Variants in MMACHC observed in about 807,000 individuals in gnomAD.
The protein encoded by MMACHC is cyanocobalamin reductase / alkylcobalamin dealkylase.
Under a neutral mutation model 17.6 loss-of-function variants are expected in MMACHC, and 14 were observed. The observed-to-expected ratio is 0.80, with a 90% confidence interval of 0.53 to 1.25. The LOEUF is 1.25. MMACHC is among the 50% of genes most tolerant of loss of function. The probability of loss-of-function intolerance (pLI) is 0.00; values close to 1 mark genes in which losing one functional copy is unlikely to be tolerated. For missense variants in MMACHC, 392 were observed against 364.5 expected (o/e 1.08, Z -0.62); for synonymous variants, 151 against 142.1 (o/e 1.06, Z -0.45).
In MMACHC at chr1:45,510,075, TCAAAAAAAAAAAAAAAAGTACCTACC is replaced by T. The variant is rs1643712698; in HGVS notation, c.*861_*886del. On this transcript the variant is annotated 3_prime_UTR_variant, in exon 4 of 4. Coordinates refer to ENST00000401061, the MANE Select transcript of MMACHC (RefSeq NM_015506.3). Reference sequence around the variant, plus strand: ...CTGGGTGACAGTGTGAGACTCTGTCTCAAAAAAAAAAAAAAAAGTACCTACCTCAGGTAGGGACTGAATAAACACGT... The same window carrying T: ...CTGGGTGACAGTGTGAGACTCTGTCTTCAGGTAGGGACTGAATAAACACGT... The T allele has an allele frequency of 8.0e-6, 1 of 124,764 alleles. No individual in the cohort carries two copies. Among genetic ancestry groups the T allele is most frequent in the Admixed American group, 8.1e-5 (1 of 12,302 alleles). 7.7% of individuals were successfully genotyped at this position (124,764 alleles called of 1,614,324 possible).
At chr1:45,505,216 A>C (rs1248363204) in intron 1 of MMACHC, among the ~76,000 whole-genome samples, 2 of 150,650 alleles carry the variant, frequency 1.3e-5, no homozygotes, top group African/African-American at 4.9e-5. Context: ...TGGGAGGCCG[A>C]TGCAGGTGGA....
chr1:45,504,363 C>T (rs929715953), intron 1 of MMACHC, among the ~76,000 whole-genome samples: 1 of 152,064 alleles, frequency 6.6e-6, no homozygotes, highest in Non-Finnish European at 1.5e-5. Context: ...TTGCAGTGAG[C>T]CAAGATCGCG....
chr1:45,505,118 TAA>T (rs71052893), intron 1 of MMACHC, among the ~76,000 whole-genome samples: 11 of 119,366 alleles, frequency 9.2e-5, no homozygotes, highest in Non-Finnish European at 9.9e-5. Context: ...TGTATACATT[TAA>T]AAAAAAAAAA....
rs1338847946 is a variant in MMACHC at position 45,511,312 on chromosome 1, C to T, written c.*2097C>T. On this transcript the variant is annotated 3_prime_UTR_variant, in exon 4 of 4. Coordinates refer to ENST00000401061, the MANE Select transcript of MMACHC (RefSeq NM_015506.3). Reference sequence around the variant, plus strand: ...CATGGCTGCCCACCGCAGCCTGGCACTAAAACAGCCCAGCGCTCACTTCTG... The same window carrying T: ...CATGGCTGCCCACCGCAGCCTGGCATTAAAACAGCCCAGCGCTCACTTCTG... The T allele has an allele frequency of 5.6e-6, 9 of 1,592,974 alleles. No homozygotes were observed. The highest frequency in any genetic ancestry group is 6.8e-6 in the Non-Finnish European group (8 of 1,168,930).
rs2149324153 is a variant in MMACHC, at chr1:45,509,229, G to A, written c.*14G>A. ...CCTGGCCCTTGATTTTCTCCCATGT[G>A]GACCCTGATTTATGGTGGTACTTGC... On this transcript the variant is annotated 3_prime_UTR_variant, in exon 4 of 4. Transcript: ENST00000401061. 6.2e-7 allele frequency: 1 copy of A among 1,613,910 alleles called. No homozygotes were observed. The highest frequency in any genetic ancestry group is 1.7e-5 in the Admixed American group (1 of 60,006).
intron 1 of MMACHC, among the ~76,000 whole-genome samples, chr1:45,505,498 TACCC>T (rs1047650812): frequency 3.3e-5 from 5 of 152,052 alleles, no homozygotes; most frequent in African/African-American, 1.2e-4. Flanking sequence ...CTCACTCTGT[TACCC>T]AGGCTGGTCT....
chr1:45,503,514 C>T (rs1352954568), intron 1 of MMACHC, among the ~76,000 whole-genome samples: 3 of 139,780 alleles, frequency 2.1e-5, no homozygotes, highest in African/African-American at 8.1e-5. Context: ...TGGCTCACTG[C>T]AACCTCTGGC....
rs1443137625 is a variant in MMACHC at position 45,510,412 on chromosome 1, T to C, written c.*1197T>C. ...ATATGAATGAGGATCAAAACGAGCT[T>C]TGGCCAGGCACTGTGGCGCTCACCT... On this transcript the variant is annotated 3_prime_UTR_variant, in exon 4 of 4. Coordinates refer to ENST00000401061, the MANE Select transcript of MMACHC (RefSeq NM_015506.3). 1.3e-5 allele frequency: 2 copies of C among 152,154 alleles called. No homozygotes were observed. Among genetic ancestry groups the C allele is most frequent in the Admixed American group, 6.6e-5 (1 of 15,264 alleles). The allele number at this position is 152,154 out of a possible 1,614,324, so 9.4% of individuals were successfully genotyped here.
At chr1:45,507,252 G>C in intron 1 of MMACHC, 104 bp from the exon 2 acceptor site, 2 of 1,016,912 alleles carry the variant, frequency 2.0e-6, no homozygotes, top group South Asian at 1.4e-5. Context: ...CTGAATGAGT[G>C]AGATGGAGGC....
chr1:45,506,414 C>T (rs191448706), intron 1 of MMACHC, among the ~76,000 whole-genome samples: 7 of 152,262 alleles, frequency 4.6e-5, no homozygotes, highest in Non-Finnish European at 1.0e-4. Context: ...TGCCCTCATG[C>T]ACCTCAGTCA....
Position 45,512,588 on chromosome 1 carries a change from G to T in MMACHC, c.*3373G>T, listed in dbSNP as rs187684328. 1.3e-5 allele frequency: 2 copies of T among 151,932 alleles called. No homozygotes were observed. Among genetic ancestry groups the T allele is most frequent in the African/African-American group, 2.4e-5 (1 of 41,362 alleles). The allele number at this position is 151,932 out of a possible 1,614,324, so 9.4% of individuals were successfully genotyped here. A position where few individuals can be genotyped will look rare whatever the true frequency, so the allele number is the denominator to read the frequency against. On this transcript the variant is annotated 3_prime_UTR_variant, in exon 4 of 4. Coordinates refer to ENST00000401061, the MANE Select transcript of MMACHC (RefSeq NM_015506.3). ...CTCTTAAATGGTACCTATTTAAGAG[G>T]CTGTACATGTTCCAGTGGGATGGGA...
chr1:45,513,370 C>T lies in MMACHC; in HGVS notation c.*4155C>T, dbSNP rs1237250188. On this transcript the variant is annotated 3_prime_UTR_variant, in exon 4 of 4. Coordinates refer to ENST00000401061, the MANE Select transcript of MMACHC (RefSeq NM_015506.3). ...GAGTATGTATACTTTGAATAAAAAG[C>T]CTTTATATTCTCCTTCCCAAGCTTT... is the stretch of plus-strand genomic sequence containing the variant. The T allele has an allele frequency of 2.6e-5, 4 of 152,138 alleles. No homozygotes were observed. Among genetic ancestry groups the T allele is most frequent in the African/African-American group, 7.2e-5 (3 of 41,422 alleles). 9.4% of individuals were successfully genotyped at this position (152,138 alleles called of 1,614,324 possible).
At chr1:45,500,494 T>C in intron 1 of MMACHC, 81 bp downstream of exon 1, 1 of 1,346,968 alleles carries the variant, frequency 7.4e-7, no homozygotes, top group Non-Finnish European at 1.1e-6. Context: ...CGGGAGCCTC[T>C]GATCCTCCTG....
intron 2 of MMACHC, among the ~76,000 whole-genome samples, 195 bp downstream of exon 2, chr1:45,507,745 G>A (rs1318577668): frequency 1.1e-5 from 1 of 90,392 alleles, no homozygotes; most frequent in Admixed American, 1.3e-4. Context: ...CCCTCATCTA[G>A]CAGTCCCCCA....
In MMACHC at chr1:45,505,677, G is replaced by T. The variant is rs1643610081; in HGVS notation, c.82-1679G>T. Among the ~76,000 whole-genome samples the T allele has an allele frequency of 1.3e-5, 2 of 151,974 alleles. 1 individual carries two copies. The highest frequency in any genetic ancestry group is 1.3e-4 in the Admixed American group (2 of 15,282). On this transcript the variant is annotated intron_variant, in intron 1 of 3. Coordinates refer to ENST00000401061, the MANE Select transcript of MMACHC (RefSeq NM_015506.3). ...TCAGCACTTTGGGAGGCCAAGTCAG[G>T]TGGATCACGAGGTCAGGAGATCGAG...
intron 1 of MMACHC, among the ~76,000 whole-genome samples, chr1:45,506,154 G>A (rs921448840): frequency 7.2e-5 from 11 of 152,304 alleles, no homozygotes; most frequent in Admixed American, 4.6e-4. Flanking sequence ...GAACCACATC[G>A]TTTTGTGTCA....
chr1:45,509,292 A>G lies in MMACHC; in HGVS notation c.*77A>G. 1 of 1,502,968 alleles carries G rather than the reference A, an allele frequency of 6.7e-7. No homozygotes were observed. The highest frequency in any genetic ancestry group is 1.7e-5 in the Admixed American group (1 of 59,390). The allele number at this position is 1,502,968 out of a possible 1,614,324, so 93.1% of individuals were successfully genotyped here. A position where few individuals can be genotyped will look rare whatever the true frequency, so the allele number is the denominator to read the frequency against. On this transcript the variant is annotated 3_prime_UTR_variant, in exon 4 of 4. Transcript: ENST00000401061. ...GGCTTTGGCAAAGCAAAAGGTTTTG[A>G]GTACAAGATTACTATTTTTGATAAT...
intron 1 of MMACHC, among the ~76,000 whole-genome samples, chr1:45,505,074 C>T (rs531822148): frequency 6.7e-6 from 1 of 148,204 alleles, no homozygotes. Context: ...CAACATCATG[C>T]CACTGTACCC....
At chr1:45,503,995 C>T (rs1643580522) in intron 1 of MMACHC, among the ~76,000 whole-genome samples, 1 of 152,186 alleles carries the variant, frequency 6.6e-6, no homozygotes, top group African/African-American at 2.4e-5. Context: ...GACGGTGTTA[C>T]AGGTGAATCC....
Sources: allele counts gnomAD v4.1 joint callset (sites outside exome capture counted in the v4.1 genomes callset), GRCh38; gene constraint gnomAD v4.1.1; transcripts MANE v1.5; gene names NCBI Gene and HGNC (gene_info 2026-07-23, HGNC 2026-07-21).